The following TLCD4 variants were observed in gnomAD, a reference collection of about 807,000 sequenced individuals.
TLCD4 encodes the protein TLC domain containing 4.
TLCD4 carries 7 observed loss-of-function variants against 24.2 expected under a neutral mutation model. The ratio of observed to expected loss-of-function variants is 0.29; its 90% confidence interval spans 0.16 to 0.54. The LOEUF (loss-of-function observed/expected upper bound fraction) is 0.54, where lower values mean the gene tolerates loss of function less well. Ranked by LOEUF, TLCD4 falls within the 20% of genes least tolerant of loss-of-function variation. The pLI is 0.95. For missense variants in TLCD4, 259 were observed against 313.9 expected (o/e 0.82, Z 1.32); for synonymous variants, 103 against 106.4 (o/e 0.97, Z 0.20).
intron 5 of TLCD4, among the ~76,000 whole-genome samples, chr1:95,166,044 A>G (rs1231967515): frequency 6.6e-6 from 1 of 152,210 alleles, no homozygotes; most frequent in Non-Finnish European, 1.5e-5. Flanking sequence ...ATTGGATTCA[A>G]TTAAGTTTTT....
At chr1:95,188,750 C>T (rs1678921332) in intron 6 of TLCD4, among the ~76,000 whole-genome samples, 1 of 152,130 alleles carries the variant, frequency 6.6e-6, no homozygotes, top group Admixed American at 6.5e-5. Context: ...TTCTTGCTCT[C>T]TGGCCCTAAA....
At chr1:95,110,912 T>G in the TLCD4 span, among the ~76,000 whole-genome samples, 1 of 148,914 alleles carries the variant, frequency 6.7e-6, no homozygotes, top group Non-Finnish European at 1.5e-5. Context: ...GCATATAAAC[T>G]GGTGATTGAT....
chr1:95,115,106 A>T (rs958577732), upstream of TLCD4, among the ~76,000 whole-genome samples: 12 of 102,608 alleles, frequency 1.2e-4, no homozygotes, highest in African/African-American at 2.0e-4. Context: ...ATATATATAT[A>T]ATATATATGT....
the TLCD4 span, among the ~76,000 whole-genome samples, chr1:95,108,461 C>T: frequency 2.0e-5 from 3 of 152,110 alleles, no homozygotes; most frequent in African/African-American, 7.2e-5. Flanking sequence ...CTGGTTTTGA[C>T]CTTCTGGGCT....
At chr1:95,158,069 T>C (rs1479108235) in intron 5 of TLCD4, among the ~76,000 whole-genome samples, 1 of 152,200 alleles carries the variant, frequency 6.6e-6, no homozygotes, top group East Asian at 1.9e-4. Context: ...CATACCTCTA[T>C]TTGCCTTCCC....
intron 6 of TLCD4, among the ~76,000 whole-genome samples, chr1:95,177,952 T>TTTTTTTTTTTTG (rs1557695931): frequency 1.1e-5 from 1 of 92,354 alleles, no homozygotes; most frequent in Admixed American, 1.2e-4. Context: ...TTTTTTTTTG[T>TTTTTTTTTTTTG]TTTTTTTTGT....
At chr1:95,127,203 A>G (rs1466710506) in intron 1 of TLCD4, among the ~76,000 whole-genome samples, 2 of 152,198 alleles carry the variant, frequency 1.3e-5, no homozygotes, top group African/African-American at 4.8e-5. Context: ...ATTCATCTTA[A>G]GAACCCAACA....
At chr1:95,128,507 T>C (rs572399770) in intron 1 of TLCD4, among the ~76,000 whole-genome samples, 11 of 152,238 alleles carry the variant, frequency 7.2e-5, no homozygotes, top group African/African-American at 2.2e-4. Context: ...GTACCTATAA[T>C]GGAAGGGAGA....
chr1:95,122,985 A>T lies in TLCD4; in HGVS notation c.-12+5368A>T, dbSNP rs928319721. ...TTATGGACATGATTTTTTTTTTTTTAAAAAGAGAAATAGGGTCTCACTGTG... is the reference window on the plus strand; with the variant it reads ...TTATGGACATGATTTTTTTTTTTTTTAAAAGAGAAATAGGGTCTCACTGTG... On this transcript the variant is annotated intron_variant, in intron 1 of 6. Transcript: ENST00000370203. 4.0e-4 allele frequency among the ~76,000 whole-genome samples: 58 copies of T among 144,118 alleles called. 1 individual carries two copies. The South Asian group carries it at 4.1e-3, about 10-fold the overall frequency. The allele number at this position is 144,118 out of a possible 152,430, so 94.5% of individuals were successfully genotyped here.
chr1:95,130,453 G>A (rs1200031293), intron 1 of TLCD4, among the ~76,000 whole-genome samples: 2 of 152,136 alleles, frequency 1.3e-5, no homozygotes, highest in African/African-American at 2.4e-5. Context: ...TGCCCGGCCC[G>A]ACAGTTATTC....
At chr1:95,112,635 C>T (rs1000460272), upstream of TLCD4, among the ~76,000 whole-genome samples, 3 of 152,088 alleles carry the variant, frequency 2.0e-5, no homozygotes, top group African/African-American at 7.2e-5. Context: ...AAATAATTTT[C>T]AATCCATCTA....
chr1:95,193,652 T>C lies in TLCD4; in HGVS notation c.*1784T>C, dbSNP rs1679097420. ...TAAGTTTTAGAACATTTAAAGAAGA[T>C]TGAAATCTCAGTCAGTAACTAAATG... On this transcript the variant is annotated 3_prime_UTR_variant, in exon 7 of 7. Coordinates refer to ENST00000370203, the MANE Select transcript of TLCD4 (RefSeq NM_152487.3). 6.6e-6 allele frequency: 1 copy of C among 152,116 alleles called. No individual in the cohort carries two copies. The highest frequency in any genetic ancestry group is 1.5e-5 in the Non-Finnish European group (1 of 67,956). The allele number at this position is 152,116 out of a possible 1,614,324, so 9.4% of individuals were successfully genotyped here.
chr1:95,117,718 C>T (rs1218658189), intron 1 of TLCD4, 101 bp downstream of exon 1: 1 of 151,370 alleles, frequency 6.6e-6, no homozygotes, highest in Non-Finnish European at 1.5e-5. Context: ...AGAGGGGTGC[C>T]GCGGCTTCCC....
Position 95,195,364 on chromosome 1 carries a change from T to G in TLCD4, c.*3496T>G, listed in dbSNP as rs1202467499. 1.3e-5 allele frequency: 2 copies of G among 152,186 alleles called. No homozygotes were observed. Among genetic ancestry groups the G allele is most frequent in the Non-Finnish European group, 2.9e-5 (2 of 68,026 alleles). 9.4% of individuals were successfully genotyped at this position (152,186 alleles called of 1,614,324 possible). A position where few individuals can be genotyped will look rare whatever the true frequency, so the allele number is the denominator to read the frequency against. On this transcript the variant is annotated 3_prime_UTR_variant, in exon 7 of 7. Transcript: ENST00000370203. ...TCGTTTTTAAGGGAAATAAACATGT[T>G]CCAAAAGATGCTGTTAAAATAAATA...
At chr1:95,112,696 G>A (rs1557673051), upstream of TLCD4, among the ~76,000 whole-genome samples, 1 of 152,182 alleles carries the variant, frequency 6.6e-6, no homozygotes, top group Non-Finnish European at 1.5e-5. Context: ...AGACAGGCAA[G>A]TACTCTAAAA....
At chr1:95,144,235 A>G (rs1677289387) in intron 2 of TLCD4, among the ~76,000 whole-genome samples, 179 bp downstream of exon 2, 1 of 152,224 alleles carries the variant, frequency 6.6e-6, no homozygotes, top group South Asian at 2.1e-4. Context: ...TTAAGAATTC[A>G]TATATTGAAA....
rs1679091724 is a variant in TLCD4 at position 95,193,507 on chromosome 1, T to C, written c.*1639T>C. The C allele has an allele frequency of 6.6e-6, 1 of 152,134 alleles. No individual in the cohort carries two copies. Among genetic ancestry groups the C allele is most frequent in the Admixed American group, 6.5e-5 (1 of 15,284 alleles). The allele number at this position is 152,134 out of a possible 1,614,324, so 9.4% of individuals were successfully genotyped here. On this transcript the variant is annotated 3_prime_UTR_variant, in exon 7 of 7. Coordinates refer to ENST00000370203, the MANE Select transcript of TLCD4 (RefSeq NM_152487.3). ...TTAATTGAACTCATACCAAAAGATG[T>C]AATCCAGTTTCTCAGTTTGAAGGAG...
chr1:95,161,081 C>T (rs577233631), intron 5 of TLCD4, among the ~76,000 whole-genome samples: 1 of 152,156 alleles, frequency 6.6e-6, no homozygotes, highest in Non-Finnish European at 1.5e-5. Flanking sequence ...AGGAATGGTA[C>T]CAGCTCCTCT....
chr1:95,150,475 G>A (rs1266030684), intron 4 of TLCD4, among the ~76,000 whole-genome samples: 1 of 152,132 alleles, frequency 6.6e-6, no homozygotes, highest in Non-Finnish European at 1.5e-5. Context: ...GTTACAGAGT[G>A]ATGCCTCAAA....
Sources: allele counts gnomAD v4.1 joint callset (sites outside exome capture counted in the v4.1 genomes callset), GRCh38; gene constraint gnomAD v4.1.1; transcripts MANE v1.5; gene names NCBI Gene and HGNC (gene_info 2026-07-23, HGNC 2026-07-21).